CD226: variants seen among roughly 807,000 people sequenced by gnomAD.
The protein encoded by CD226 is CD226 antigen.
In CD226, 24 loss-of-function variants were observed where a neutral mutation model predicts 34.9. The ratio of observed to expected loss-of-function variants is 0.69; its 90% CI spans 0.50 to 0.97. CD226 has a LOEUF of 0.97. Ranked by LOEUF, CD226 falls within the 50% of genes least tolerant of loss-of-function variation. The pLI is 0.00. For missense variants in CD226, 397 were observed against 412.7 expected (o/e 0.96, Z 0.33); for synonymous variants, 148 against 147.4 (o/e 1.00, Z -0.03).
At chr18:69,907,470 G>A (rs1176955565) in intron 2 of CD226, among the ~76,000 whole-genome samples, 1 of 152,108 alleles carries the variant, frequency 6.6e-6, no homozygotes, top group East Asian at 1.9e-4. Flanking sequence ...ACCATGCCCA[G>A]CTAAATTTTT....
intron 2 of CD226, 78 bp downstream of exon 2, chr18:69,946,656 C>G (rs1281413393): frequency 1.1e-6 from 1 of 935,322 alleles, no homozygotes. Flanking sequence ...CATTCTATAG[C>G]TTCTACTTGG....
chr18:69,904,652 CTT>C (rs1362468624), intron 2 of CD226, among the ~76,000 whole-genome samples: 6 of 152,204 alleles, frequency 3.9e-5, no homozygotes, highest in African/African-American at 1.2e-4. Context: ...AAAAGTCAAA[CTT>C]TTGAGCCATT....
At chr18:69,870,458 A>G (rs891734168) in intron 4 of CD226, among the ~76,000 whole-genome samples, 1 of 151,624 alleles carries the variant, frequency 6.6e-6, no homozygotes, top group African/African-American at 2.4e-5. Context: ...CAGTTTTAGT[A>G]GAGATGGGGT....
At chr18:69,950,053 C>T (rs1432681599), upstream of CD226, among the ~76,000 whole-genome samples, 1 of 151,976 alleles carries the variant, frequency 6.6e-6, no homozygotes, top group Non-Finnish European at 1.5e-5. Flanking sequence ...CTCTCAAACA[C>T]GTATACATGC....
At chr18:69,890,115 G>C (rs772451935) in intron 3 of CD226, among the ~76,000 whole-genome samples, 10 of 152,090 alleles carry the variant, frequency 6.6e-5, no homozygotes, top group African/African-American at 2.2e-4. Flanking sequence ...AAAAAAATCT[G>C]GAAAGAAAAG....
At chr18:69,923,654 G>A (rs1239249915) in intron 2 of CD226, among the ~76,000 whole-genome samples, 5 of 152,138 alleles carry the variant, frequency 3.3e-5, no homozygotes, top group Admixed American at 2.0e-4. Context: ...ATGGAAAAAG[G>A]TTAGTCAATA....
rs1453232794 is a variant in CD226 at position 69,858,144 on chromosome 18, A to T, written c.*6170T>A. The T allele has an allele frequency of 6.6e-6, 1 of 152,234 alleles. No homozygotes were observed. The highest frequency in any genetic ancestry group is 1.5e-5 in the Non-Finnish European group (1 of 68,032). 9.4% of individuals were successfully genotyped at this position (152,234 alleles called of 1,614,324 possible). ...CATTATTGCAAAACTGCCAACTGAGAATATTGATATAGATACTAACTGTAT... is the reference window on the plus strand; with the variant it reads ...CATTATTGCAAAACTGCCAACTGAGTATATTGATATAGATACTAACTGTAT... On this transcript the variant is annotated 3_prime_UTR_variant, in exon 6 of 6. Transcript: ENST00000582621.
upstream of CD226, among the ~76,000 whole-genome samples, chr18:69,949,918 ACT>A (rs1275765559): frequency 3.3e-5 from 5 of 151,846 alleles, no homozygotes; most frequent in Non-Finnish European, 2.9e-5. Context: ...GTGCACATAT[ACT>A]CTCAAACACA....
chr18:69,878,880 T>C (rs1251984351), intron 3 of CD226, among the ~76,000 whole-genome samples: 1 of 152,210 alleles, frequency 6.6e-6, no homozygotes, highest in East Asian at 1.9e-4. Context: ...GATAATTCAA[T>C]GTAGGTTCTT....
chr18:69,951,669 A>G (rs2055855305), upstream of CD226, among the ~76,000 whole-genome samples: 1 of 152,186 alleles, frequency 6.6e-6, no homozygotes, highest in Non-Finnish European at 1.5e-5. Context: ...AAAGACTAAC[A>G]TTTCCCATTT....
chr18:69,873,339 TTGAG>T, intron 3 of CD226, 93 bp from the exon 4 acceptor site: 1 of 662,388 alleles, frequency 1.5e-6, no homozygotes, highest in South Asian at 1.8e-5. Flanking sequence ...ACATTAATTA[TTGAG>T]TAACAAAAAC....
intron 4 of CD226, among the ~76,000 whole-genome samples, chr18:69,868,950 T>C (rs954174628): frequency 6.6e-6 from 1 of 152,342 alleles, no homozygotes; most frequent in African/African-American, 2.4e-5. Flanking sequence ...GCTGAGTTAT[T>C]TATGTCTTTA....
intron 2 of CD226, among the ~76,000 whole-genome samples, chr18:69,921,277 T>A (rs962341161): frequency 6.6e-6 from 1 of 152,044 alleles, no homozygotes; most frequent in Non-Finnish European, 1.5e-5. Context: ...CCCTCATGTG[T>A]TCACCTCTCT....
At chr18:69,897,029 C>T (rs563691858) in intron 2 of CD226, among the ~76,000 whole-genome samples, 1 of 152,286 alleles carries the variant, frequency 6.6e-6, no homozygotes, top group African/African-American at 2.4e-5. Flanking sequence ...CTGGGCATCT[C>T]TGTGTCCCTT....
chr18:69,883,797 A>G (rs1984404388), intron 3 of CD226, among the ~76,000 whole-genome samples: 1 of 152,280 alleles, frequency 6.6e-6, no homozygotes, highest in Non-Finnish European at 1.5e-5. Flanking sequence ...ATGAGCCATC[A>G]GTATTAAAAG....
At chr18:69,904,911 C>T (rs1339210789) in intron 2 of CD226, among the ~76,000 whole-genome samples, 1 of 152,170 alleles carries the variant, frequency 6.6e-6, no homozygotes, top group Non-Finnish European at 1.5e-5. Context: ...TGATTCTGTA[C>T]TAGAGAATAG....
rs552402980 is a variant in CD226 at position 69,926,013 on chromosome 18, C to T, written c.382+20721G>A. ...CAAAAAGTAGTCAGGTGTGAGGGCG[C>T]ACAACTGCAATCCAAGCTACTCGGG... On this transcript the variant is annotated intron_variant, in intron 2 of 5. Transcript: ENST00000582621. 2.6e-5 allele frequency among the ~76,000 whole-genome samples: 4 copies of T among 152,164 alleles called. No homozygotes were observed. In the East Asian group the frequency reaches 7.8e-4, roughly 30 times the overall value.
intron 3 of CD226, among the ~76,000 whole-genome samples, chr18:69,880,757 T>C (rs1226509564): frequency 1.3e-5 from 2 of 151,580 alleles, no homozygotes; most frequent in Non-Finnish European, 2.9e-5. Context: ...GTTCAAGCGA[T>C]TCTCCTGCCT....
At chr18:69,869,771 T>C (rs1006496739) in intron 4 of CD226, among the ~76,000 whole-genome samples, 1 of 151,494 alleles carries the variant, frequency 6.6e-6, no homozygotes, top group Non-Finnish European at 1.5e-5. Context: ...CTAAGGAGTT[T>C]CCCAGGATGA....
Sources: allele counts gnomAD v4.1 joint callset (sites outside exome capture counted in the v4.1 genomes callset), GRCh38; gene constraint gnomAD v4.1.1; transcripts MANE v1.5; gene names NCBI Gene and HGNC (gene_info 2026-07-23, HGNC 2026-07-21).